SEPTIN9: variants seen among roughly 807,000 people sequenced by gnomAD.
SEPTIN9 encodes the protein septin-9.
SEPTIN9 carries 13 observed loss-of-function variants against 56.6 expected under a neutral mutation model. That is an observed-to-expected ratio of 0.23 (90% CI 0.15 to 0.37). The LOEUF (loss-of-function observed/expected upper bound fraction) is 0.37, where lower values mean the gene tolerates loss of function less well. SEPTIN9 is among the 10% of genes least tolerant of loss of function. SEPTIN9 has a pLI of 1.00. For synonymous variants in SEPTIN9, 332 were observed against 334.1 expected, an observed-to-expected ratio of 0.99 and a Z score of 0.07; for missense variants, 650 against 823.1, an observed-to-expected ratio of 0.79 and a Z score of 2.57.
intron 2 of SEPTIN9, among the ~76,000 whole-genome samples, chr17:77,391,217 G>C (rs958505694): frequency 6.6e-6 from 1 of 152,206 alleles, no homozygotes; most frequent in Non-Finnish European, 1.5e-5. Context: ...GACACTGAGG[G>C]AGTCGAATGG....
chr17:77,402,499 C>G lies in SEPTIN9; in HGVS notation c.517C>G (p.Pro173Ala), dbSNP rs1055902433. 18 of 1,603,416 alleles carry G rather than the reference C, an allele frequency of 1.1e-5. No individual in the cohort carries two copies. The highest frequency in any genetic ancestry group is 1.5e-5 in the Non-Finnish European group (18 of 1,175,562). ...RRMEPPASKVPEVPTAPATDA... is the reference protein window; with the variant it reads ...RRMEPPASKVAEVPTAPATDA... ...GATGGAGCCCCCTGCCTCCAAGGTC[C>G]CCGAGGTGCCCACTGCCCCTGCCAC... Residue 173 changes from proline (P) to alanine (A), a missense_variant, in exon 3 of 12, where the codon CCC becomes GCC. Pro to Ala is a conservative substitution (Grantham distance 27). Around this residue, in one of 2 missense-constraint regions of SEPTIN9, gnomAD observed 317 missense variants for 329.1 expected, o/e 0.96. Transcript: ENST00000427177. The surrounding 1 kb of genome is among the most constrained non-coding windows in gnomAD (Gnocchi z 6.6).
chr17:77,354,932 C>A (rs1236732586), intron 2 of SEPTIN9, among the ~76,000 whole-genome samples: 3 of 152,114 alleles, frequency 2.0e-5, no homozygotes, highest in Middle Eastern at 3.4e-3. Flanking sequence ...GGCTCAGAGG[C>A]CTTGAGTCAC....
intron 2 of SEPTIN9, among the ~76,000 whole-genome samples, chr17:77,355,279 C>T (rs866485038): frequency 1.4e-4 from 21 of 152,132 alleles, no homozygotes; most frequent in African/African-American, 3.6e-4. Context: ...GTGTCTGCGC[C>T]GCAGCAGGGG....
rs2032797852 is a variant in SEPTIN9, at chr17:77,318,829, A to G, written c.76+11632A>G. ...GGCTGTGCATGGGCCTCACCTGGTC[A>G]CAGGTAACTCACCTGGCTCTGTGGG... On this transcript the variant is annotated intron_variant, in intron 2 of 11. Coordinates refer to ENST00000427177, the MANE Select transcript of SEPTIN9 (RefSeq NM_001113491.2). This position sits in a 1 kb window ranked among gnomAD's most constrained non-coding sequence, Gnocchi z 4.9. Among the ~76,000 whole-genome samples, 1 of 152,136 alleles carries G rather than the reference A, an allele frequency of 6.6e-6. No individual in the cohort carries two copies. Among genetic ancestry groups the G allele is most frequent in the South Asian group, 2.1e-4 (1 of 4,826 alleles).
chr17:77,458,705 C>A (rs916185496), intron 3 of SEPTIN9, among the ~76,000 whole-genome samples: 1 of 152,144 alleles, frequency 6.6e-6, no homozygotes, highest in Non-Finnish European at 1.5e-5. Flanking sequence ...ATGGCAGCCA[C>A]GGGCTGAGTG....
intron 2 of SEPTIN9, among the ~76,000 whole-genome samples, chr17:77,359,830 G>GA (rs66674505): frequency 0.23 from 35,399 of 151,248 alleles, 4,577 homozygotes; most frequent in East Asian, 0.61. Flanking sequence ...TTTTAAAATG[G>GA]AAAAAAAATC....
At position 77,317,870 on chromosome 17, in the gene SEPTIN9, G is replaced by A. The variant is rs1396291573; in HGVS notation, c.76+10673G>A. 2.0e-5 allele frequency among the ~76,000 whole-genome samples: 3 copies of A among 151,992 alleles called. No individual in the cohort carries two copies. Among genetic ancestry groups the A allele is most frequent in the Non-Finnish European group, 4.4e-5 (3 of 68,006 alleles). ...GTTCAAGATCAGCCTGGCCAATATG[G>A]TGAAACCCCGTTTCTACTAAAAATA... On this transcript the variant is annotated intron_variant, in intron 2 of 11. Transcript: ENST00000427177. The surrounding 1 kb of genome is among the most constrained non-coding windows in gnomAD (Gnocchi z 4.2).
intron 1 of SEPTIN9, 145 bp from the exon 2 acceptor site, chr17:77,306,996 G>A: frequency 1.2e-6 from 1 of 812,492 alleles, no homozygotes; most frequent in Admixed American, 1.8e-5. Flanking sequence ...GGGGGAGTAG[G>A]GCCTCTGTCC....
chr17:77,307,336 C>G (rs1172369997), intron 2 of SEPTIN9, 139 bp downstream of exon 2: 1 of 823,904 alleles, frequency 1.2e-6, no homozygotes, highest in Non-Finnish European at 2.0e-6. Flanking sequence ...CCCAGGGAGA[C>G]GCAGTCTTTG....
Position 77,487,303 on chromosome 17 carries a change from A to G in SEPTIN9, c.914-121A>G. 2 of 1,081,560 alleles carry G rather than the reference A, an allele frequency of 1.8e-6. No individual in the cohort carries two copies. The highest frequency in any genetic ancestry group is 2.8e-5 in the South Asian group (2 of 72,658). 67.0% of individuals were successfully genotyped at this position (1,081,560 alleles called of 1,614,324 possible). Reference sequence around the variant, plus strand: ...CTTGGCAGGGATATTGCCGGGAGGTAGCCCAGGCACTGCTGAATCTCAGAC... The same window carrying G: ...CTTGGCAGGGATATTGCCGGGAGGTGGCCCAGGCACTGCTGAATCTCAGAC... On this transcript the variant is annotated intron_variant, in intron 4 of 11. Coordinates refer to ENST00000427177, the MANE Select transcript of SEPTIN9 (RefSeq NM_001113491.2). This position sits in a 1 kb window ranked among gnomAD's most constrained non-coding sequence, Gnocchi z 4.3.
intron 4 of SEPTIN9, among the ~76,000 whole-genome samples, chr17:77,484,594 TGTGATGGTGGTG>T (rs1313957351): frequency 3.4e-5 from 2 of 58,942 alleles, no homozygotes; most frequent in Non-Finnish European, 8.4e-5. Context: ...TGGTGGTAAT[TGTGATGGTGGTG>T]GTGATGGTGG....
At chr17:77,467,746 C>G (rs1004845782) in intron 3 of SEPTIN9, among the ~76,000 whole-genome samples, 5 of 152,190 alleles carry the variant, frequency 3.3e-5, no homozygotes, top group African/African-American at 9.7e-5. Context: ...CCAGCGCGGC[C>G]GGCACAGAGG....
Position 77,498,705 on chromosome 17 carries a change from T to TG in SEPTIN9, c.*47_*48insG, listed in dbSNP as rs1555681886. On this transcript the variant is annotated 3_prime_UTR_variant, in exon 12 of 12. Transcript: ENST00000427177. Reference sequence around the variant, plus strand: ...GGATCCTGCCCCCAAGTCATTTCCGTCCCCCCCCAGGCCCTCCCACCACCC... The same window carrying TG: ...GGATCCTGCCCCCAAGTCATTTCCGTGCCCCCCCCAGGCCCTCCCACCACCC... The TG allele has an allele frequency of 6.9e-5, 56 of 814,114 alleles. No homozygotes were observed. The African/African-American group carries it at 8.8e-4, about 13-fold the overall frequency. 50.4% of individuals were successfully genotyped at this position (814,114 alleles called of 1,614,324 possible). A position where few individuals can be genotyped will look rare whatever the true frequency, so the allele number is the denominator to read the frequency against.
intron 1 of SEPTIN9, among the ~76,000 whole-genome samples, chr17:77,284,661 A>T (rs1354559331): frequency 1.3e-5 from 2 of 151,780 alleles, no homozygotes; most frequent in African/African-American, 2.4e-5. Context: ...ACGGAGTCTC[A>T]CTCTGTCTCC....
chr17:77,489,193 A>T (rs372225388), intron 7 of SEPTIN9, among the ~76,000 whole-genome samples: 1 of 152,178 alleles, frequency 6.6e-6, no homozygotes, highest in East Asian at 1.9e-4. Flanking sequence ...GGGAGCCCCC[A>T]GCCAAGCACC....
At chr17:77,443,682 A>C (rs1416829125) in intron 3 of SEPTIN9, among the ~76,000 whole-genome samples, 1 of 152,088 alleles carries the variant, frequency 6.6e-6, no homozygotes, top group Non-Finnish European at 1.5e-5. Context: ...TTGTAATCCC[A>C]GCTACGGGGG....
rs531924801 is a variant in SEPTIN9, at chr17:77,414,101, G to A, written c.721+11398G>A. 5.3e-5 allele frequency among the ~76,000 whole-genome samples: 8 copies of A among 151,206 alleles called. No homozygotes were observed. The East Asian group carries it at 7.8e-4, about 15-fold the overall frequency. ...ATTTATTTATTTATTTTTTTGAGAC[G>A]GAGTTTCACTCTTGTCGCCTAGGCT... On this transcript the variant is annotated intron_variant, in intron 3 of 11. Transcript: ENST00000427177.
rs2039205573 is a variant in SEPTIN9 at position 77,476,164 on chromosome 17, A to T, written c.722-5980A>T. Among the ~76,000 whole-genome samples the T allele has an allele frequency of 6.6e-6, 1 of 152,128 alleles. No homozygotes were observed. The highest frequency in any genetic ancestry group is 2.1e-4 in the South Asian group (1 of 4,832). On this transcript the variant is annotated intron_variant, in intron 3 of 11. Transcript: ENST00000427177. This position sits in a 1 kb window ranked among gnomAD's most constrained non-coding sequence, Gnocchi z 6.0. Reference sequence around the variant, plus strand: ...TCTGGGACGTAGACCAGGCAGCATGACACACAGGGAGGGGTAGGCAGAGAA... The same window carrying T: ...TCTGGGACGTAGACCAGGCAGCATGTCACACAGGGAGGGGTAGGCAGAGAA...
intron 7 of SEPTIN9, among the ~76,000 whole-genome samples, chr17:77,490,235 G>A (rs9895054): frequency 0.031 from 4,765 of 152,308 alleles, 97 homozygotes; most frequent in Middle Eastern, 0.048. Context: ...CCAGGGCCCT[G>A]CCAGCCCCTG....
Sources: allele counts gnomAD v4.1 joint callset (sites outside exome capture counted in the v4.1 genomes callset), GRCh38; gene constraint gnomAD v4.1.1; regional missense constraint gnomAD v4.1.1; non-coding constraint Gnocchi (gnomAD v3.1); transcripts MANE v1.5; gene names NCBI Gene and HGNC (gene_info 2026-07-23, HGNC 2026-07-21).